TCTN3: variants seen among roughly 807,000 people sequenced by gnomAD.
TCTN3 encodes the protein tectonic-3.
A neutral mutation model predicts 71.3 loss-of-function variants in TCTN3; 57 were observed. The observed-to-expected ratio is 0.80, with a 90% CI of 0.65 to 1.00. The LOEUF is 1.00. TCTN3 is among the 50% of genes least tolerant of loss of function. TCTN3 has a pLI of 0.00. For synonymous variants in TCTN3, 258 were observed against 267.8 expected, an observed-to-expected ratio of 0.96 and a Z score of 0.36; for missense variants, 696 against 719.9, an observed-to-expected ratio of 0.97 and a Z score of 0.38.
Position 95,693,629 on chromosome 10 carries a change from A to G in TCTN3, c.256+15T>C. Reference sequence around the variant, plus strand: ...CTCAGAAGTAAGTTTCCACCCCCACAACGTTTTCCCTCACCTGGGAAGAGG... The same window carrying G: ...CTCAGAAGTAAGTTTCCACCCCCACGACGTTTTCCCTCACCTGGGAAGAGG... On this transcript the variant is annotated intron_variant, in intron 1 of 13. Transcript: ENST00000371217. The G allele has an allele frequency of 6.5e-7, 1 of 1,548,796 alleles. No individual in the cohort carries two copies. Among genetic ancestry groups the G allele is most frequent in the Non-Finnish European group, 8.7e-7 (1 of 1,146,196 alleles).
chr10:95,684,456 T>A (rs768742651), intron 9 of TCTN3, 43 bp downstream of exon 9: 4 of 1,589,874 alleles, frequency 2.5e-6, no homozygotes, highest in Non-Finnish European at 3.4e-6. Context: ...TCTAACCCAA[T>A]ATTTCTTCCC....
intron 13 of TCTN3, among the ~76,000 whole-genome samples, chr10:95,678,147 G>C (rs1010252975): frequency 5.9e-5 from 9 of 152,156 alleles, no homozygotes; most frequent in African/African-American, 2.2e-4. Flanking sequence ...TATACATTCT[G>C]CAAGTGTAAC....
rs768480385 is a variant in TCTN3, at chr10:95,683,614, T to C, written c.1111A>G (p.Thr371Ala). 5 of 1,611,424 alleles carry C rather than the reference T, an allele frequency of 3.1e-6. No individual in the cohort carries two copies. In the East Asian group the frequency reaches 1.1e-4, roughly 36 times the overall value. ...CTAGGACTGGTGAGAGAAGCAGCTGTGCTCTGTTGAAAAGCCTGCAGAAAG... is the reference window on the plus strand; with the variant it reads ...CTAGGACTGGTGAGAGAAGCAGCTGCGCTCTGTTGAAAAGCCTGCAGAAAG... ...ILRFRAFQQS[T>A]AASLTSPRSG... Residue 371 changes from threonine (T) to alanine (A), a missense_variant, in exon 10 of 14, where the codon ACA (threonine) becomes GCA (alanine). Coordinates refer to ENST00000371217, the MANE Select transcript of TCTN3 (RefSeq NM_015631.6).
Position 95,684,501 on chromosome 10 carries a change from T to C in TCTN3, c.1093A>G (p.Arg365Gly), listed in dbSNP as rs1363544782. 6.2e-7 allele frequency: 1 copy of C among 1,613,870 alleles called. No individual in the cohort carries two copies. Among genetic ancestry groups the C allele is most frequent in the African/African-American group, 1.3e-5 (1 of 74,930 alleles). ...SLQQHFILRF[R>G]AFQQSTAASL... ...CCCTATAAGAGAAGGGCCCTAACCC[T>C]GAAGCGAAGGATGAAGTGTTGCTGT... The change falls in exon 9 of 14, where the codon AGG becomes GGG. Residue 365 changes from arginine to glycine, a missense_variant and splice_region_variant. Arg to Gly is a moderately radical substitution (Grantham distance 125). Transcript: ENST00000371217.
rs1439090828 is a variant in TCTN3 at position 95,680,531 on chromosome 10, A to C, written c.1531T>G (p.Ser511Ala). 1 of 1,614,176 alleles carries C rather than the reference A, an allele frequency of 6.2e-7. No individual in the cohort carries two copies. The highest frequency in any genetic ancestry group is 8.5e-7 in the Non-Finnish European group (1 of 1,180,018). The stretch of plus-strand genomic sequence containing the variant: ...CCTGATACATGAGCTTGCGGGTTGG[A>C]CAGGAGACCTACATATGCCCACAAT... ...QVLWAYVGLL[S>A]NPQAHVSGVR... is the part of the protein sequence containing the mutation. The change falls in exon 13 of 14, where the codon TCC becomes GCC. Residue 511 changes from serine to alanine, a missense_variant. Ser to Ala is a moderately conservative substitution (Grantham distance 99, BLOSUM62 1). Coordinates refer to ENST00000371217, the MANE Select transcript of TCTN3 (RefSeq NM_015631.6).
chr10:95,681,814 T>C (rs766877421), intron 12 of TCTN3, among the ~76,000 whole-genome samples: 1 of 152,254 alleles, frequency 6.6e-6, no homozygotes, highest in Non-Finnish European at 1.5e-5. Flanking sequence ...TATGAGATTT[T>C]TGAACAACAG....
rs780711331 is a variant in TCTN3 at position 95,682,720 on chromosome 10, G to A, written c.1383C>T (p.Ile461=). 6.8e-6 allele frequency: 11 copies of A among 1,614,058 alleles called. No individual in the cohort carries two copies. The highest frequency in any genetic ancestry group is 8.5e-6 in the Non-Finnish European group (10 of 1,180,038). ...TCTGGGCTGGGTCAGCATTACCAAAGATGGCAACATACTCTGGTCTGGGCC... is the reference window on the plus strand; with the variant it reads ...TCTGGGCTGGGTCAGCATTACCAAAAATGGCAACATACTCTGGTCTGGGCC... ...HGRPRPEYVA[I]FGNADPAQKG... Residue 461 remains isoleucine, a synonymous_variant, in exon 12 of 14, where the codon ATC becomes ATT. Coordinates refer to ENST00000371217, the MANE Select transcript of TCTN3 (RefSeq NM_015631.6).
At chr10:95,677,483 G>GTTT (rs1223582407) in intron 13 of TCTN3, among the ~76,000 whole-genome samples, 3 of 61,986 alleles carry the variant, frequency 4.8e-5, no homozygotes, top group African/African-American at 1.6e-4. Context: ...AGTTTTTTTT[G>GTTT]TTTTTTTTTT....
At chr10:95,688,400 AAAAAAAAAAAAAAAAAAAG>A (rs1290322220) in intron 3 of TCTN3, among the ~76,000 whole-genome samples, 3 of 24,370 alleles carry the variant, frequency 1.2e-4, no homozygotes, top group African/African-American at 2.9e-4. Context: ...AAAAAAAGAA[AAAAAAAAAAAAAAAAAAAG>A]AAAAAAAAAG....
At chr10:95,665,783 T>C (rs989234083) in intron 13 of TCTN3, among the ~76,000 whole-genome samples, 6 of 152,180 alleles carry the variant, frequency 3.9e-5, no homozygotes, top group African/African-American at 1.4e-4. Context: ...AATAGCTGTT[T>C]ATAGTCCTAG....
At chr10:95,679,759 T>C (rs1203763526) in intron 13 of TCTN3, among the ~76,000 whole-genome samples, 4 of 151,478 alleles carry the variant, frequency 2.6e-5, no homozygotes, top group Non-Finnish European at 5.9e-5. Context: ...GCCCGGCTAT[T>C]TTTTGTAGTT....
intron 3 of TCTN3, among the ~76,000 whole-genome samples, chr10:95,689,572 ATATC>A: frequency 6.6e-6 from 1 of 152,330 alleles, no homozygotes; most frequent in East Asian, 1.9e-4. Context: ...AGATGGCAAA[ATATC>A]TATCTGGCTA....
In TCTN3 at chr10:95,687,229, C is replaced by G. The variant is rs1019392410; in HGVS notation, c.736+18G>C. 8 of 1,613,162 alleles carry G rather than the reference C, an allele frequency of 5.0e-6. No homozygotes were observed. The highest frequency in any genetic ancestry group is 5.9e-6 in the Non-Finnish European group (7 of 1,179,368). On this transcript the variant is annotated intron_variant, in intron 5 of 13. Transcript: ENST00000371217. ...TTTAAATTGAATGAAAAGGTTGGTA[C>G]TTTTGCTCTGGATTCACCTGCAGGA...
Position 95,689,771 on chromosome 10 carries a change from A to G in TCTN3, c.500-2052T>C, listed in dbSNP as rs373596066. On this transcript the variant is annotated intron_variant, in intron 3 of 13. Coordinates refer to ENST00000371217, the MANE Select transcript of TCTN3 (RefSeq NM_015631.6). ...GTATTTAGATTTCTATTACAATTTC[A>G]GATGTCAAAGGAAGCCTACAGACCA... Among the ~76,000 whole-genome samples the G allele has an allele frequency of 4.5e-3, 690 of 152,300 alleles. 2 individuals carry two copies. The highest frequency in any genetic ancestry group is 0.02 in the Middle Eastern group (6 of 294).
chr10:95,677,877 T>A (rs1193445530), intron 13 of TCTN3, among the ~76,000 whole-genome samples: 1 of 152,216 alleles, frequency 6.6e-6, no homozygotes, highest in African/African-American at 2.4e-5. Context: ...GATTTTCAAT[T>A]GAAGTCAGAA....
intron 13 of TCTN3, among the ~76,000 whole-genome samples, chr10:95,670,828 A>T (rs1291233663): frequency 6.6e-6 from 1 of 151,850 alleles, no homozygotes; most frequent in Non-Finnish European, 1.5e-5. Context: ...ATGCCCAGCT[A>T]ATTTTTTGAT....
At chr10:95,693,309 G>C (rs1448136126) in intron 2 of TCTN3, 44 bp downstream of exon 2, 1 of 1,549,908 alleles carries the variant, frequency 6.5e-7, no homozygotes. Context: ...ACCCGTTGTA[G>C]GCCCCAAACC....
chr10:95,673,225 AT>A (rs540198665), intron 13 of TCTN3, among the ~76,000 whole-genome samples: 1 of 152,180 alleles, frequency 6.6e-6, no homozygotes, highest in Non-Finnish European at 1.5e-5. Flanking sequence ...ATGGTCAATG[AT>A]TTTTTTGTTT....
intron 13 of TCTN3, among the ~76,000 whole-genome samples, chr10:95,665,742 G>A (rs971787005): frequency 6.6e-6 from 1 of 152,038 alleles, no homozygotes; most frequent in African/African-American, 2.4e-5. Context: ...AATGAAGGAG[G>A]GTGAATGAAG....
Sources: allele counts gnomAD v4.1 joint callset (sites outside exome capture counted in the v4.1 genomes callset), GRCh38; gene constraint gnomAD v4.1.1; transcripts MANE v1.5; gene names NCBI Gene and HGNC (gene_info 2026-07-23, HGNC 2026-07-21).